Variants in NHLRC2 observed in about 807,000 individuals in gnomAD.
NHLRC2 encodes NHL repeat containing 2.
NHLRC2 carries 33 observed loss-of-function variants against 68.1 expected under a neutral mutation model. The observed-to-expected ratio is 0.48, with a 90% CI of 0.37 to 0.65. The LOEUF (loss-of-function observed/expected upper bound fraction) is 0.65, where lower values mean the gene tolerates loss of function less well. Ranked by LOEUF, NHLRC2 falls within the 30% of genes least tolerant of loss-of-function variation. The pLI, the probability that NHLRC2 is intolerant of heterozygous loss-of-function variation, is 0.00. For missense variants in NHLRC2, 761 were observed against 853.8 expected (o/e 0.89, Z 1.35); for synonymous variants, 311 against 309.6 (o/e 1.00, Z -0.05).
intron 4 of NHLRC2, among the ~76,000 whole-genome samples, chr10:113,882,857 G>A (rs1019294985): frequency 6.6e-6 from 1 of 151,640 alleles, no homozygotes; most frequent in Non-Finnish European, 1.5e-5. Context: ...ATTTTGAGTT[G>A]ATTTTTGTAT....
At chr10:113,879,394 G>A (rs1269562687) in intron 3 of NHLRC2, among the ~76,000 whole-genome samples, 180 bp from the exon 4 acceptor site, 1 of 152,094 alleles carries the variant, frequency 6.6e-6, no homozygotes, top group Non-Finnish European at 1.5e-5. Context: ...ATTGTACTAT[G>A]AGCCCTGTCA....
intron 4 of NHLRC2, among the ~76,000 whole-genome samples, chr10:113,880,359 C>CT (rs879457131): frequency 3.5e-4 from 51 of 146,390 alleles, no homozygotes; most frequent in Admixed American, 3.4e-4. Flanking sequence ...GTTTTTCTAA[C>CT]TTTTTTTTTT....
chr10:113,878,409 T>A lies in NHLRC2; in HGVS notation c.788-1165T>A, dbSNP rs75082455. On this transcript the variant is annotated intron_variant, in intron 3 of 10. Coordinates refer to ENST00000369301, the MANE Select transcript of NHLRC2 (RefSeq NM_198514.4). ...ACTCATTTTTGCCTGCACAATGCTA[T>A]GAGTTAGGTAATTAGTTCCATTTTA... Among the ~76,000 whole-genome samples the A allele has an allele frequency of 1.9e-3, 292 of 152,350 alleles. 2 individuals carry two copies. Among genetic ancestry groups the A allele is most frequent in the African/African-American group, 6.8e-3 (282 of 41,584 alleles).
intron 10 of NHLRC2, among the ~76,000 whole-genome samples, chr10:113,907,263 A>G (rs1846285003): frequency 6.6e-6 from 1 of 152,222 alleles, no homozygotes; most frequent in Admixed American, 6.5e-5. Flanking sequence ...CATCAAGAGG[A>G]CTGATAAAGG....
intron 2 of NHLRC2, among the ~76,000 whole-genome samples, chr10:113,865,244 C>T (rs536262029): frequency 2.0e-5 from 3 of 151,796 alleles, no homozygotes; most frequent in Non-Finnish European, 2.9e-5. Context: ...CCACCGCGCC[C>T]GGCCACAAAT....
intron 2 of NHLRC2, among the ~76,000 whole-genome samples, chr10:113,865,098 C>A (rs946374615): frequency 3.3e-5 from 5 of 151,856 alleles, no homozygotes; most frequent in Non-Finnish European, 5.9e-5. Flanking sequence ...TACAGGCGCT[C>A]CTCACCACGC....
rs555678940 is a variant in NHLRC2 at position 113,902,659 on chromosome 10, C to A, written c.1494+66C>A. ...TGTGGCATTTAAAATGCTGAAAGAT[C>A]TGTGAGCCTCCTACAACTGCCACTC... On this transcript the variant is annotated intron_variant, in intron 8 of 10. Transcript: ENST00000369301. The A allele has an allele frequency of 7.9e-6, 11 of 1,385,636 alleles. No homozygotes were observed. The South Asian group carries it at 9.8e-5, about 12-fold the overall frequency. The allele number at this position is 1,385,636 out of a possible 1,614,324, so 85.8% of individuals were successfully genotyped here. A position where few individuals can be genotyped will look rare whatever the true frequency, so the allele number is the denominator to read the frequency against.
At chr10:113,902,148 A>G (rs1223646273) in intron 7 of NHLRC2, among the ~76,000 whole-genome samples, 1 of 152,212 alleles carries the variant, frequency 6.6e-6, no homozygotes, top group Non-Finnish European at 1.5e-5. Flanking sequence ...TGAAGCATTG[A>G]TTATTGGAGA....
chr10:113,907,751 A>C (rs1846289863), intron 10 of NHLRC2, among the ~76,000 whole-genome samples: 1 of 152,166 alleles, frequency 6.6e-6, no homozygotes, highest in Admixed American at 6.5e-5. Flanking sequence ...TTTCTAAATA[A>C]AGTGTGTGTG....
chr10:113,908,045 T>G (rs953372807), intron 10 of NHLRC2, among the ~76,000 whole-genome samples: 3 of 152,214 alleles, frequency 2.0e-5, no homozygotes, highest in African/African-American at 7.2e-5. Context: ...ATTTATTTTA[T>G]AGTATCCAAA....
intron 6 of NHLRC2, among the ~76,000 whole-genome samples, chr10:113,899,224 T>A (rs1420563914): frequency 1.3e-5 from 2 of 152,170 alleles, no homozygotes; most frequent in African/African-American, 4.8e-5. Context: ...CATTTTTCTG[T>A]CCCTTGTACC....
intron 5 of NHLRC2, among the ~76,000 whole-genome samples, chr10:113,886,546 A>G (rs529130463): frequency 6.6e-6 from 1 of 152,310 alleles, no homozygotes; most frequent in African/African-American, 2.4e-5. Context: ...ATATCAACCA[A>G]TATAACAGGA....
At chr10:113,890,083 G>A (rs192494072) in intron 5 of NHLRC2, among the ~76,000 whole-genome samples, 2 of 152,330 alleles carry the variant, frequency 1.3e-5, no homozygotes, top group African/African-American at 4.8e-5. Flanking sequence ...CATATGGTAA[G>A]TGAATGTGTA....
intron 2 of NHLRC2, among the ~76,000 whole-genome samples, chr10:113,870,099 C>T (rs1264017539): frequency 6.6e-6 from 1 of 152,152 alleles, no homozygotes; most frequent in Non-Finnish European, 1.5e-5. Context: ...CTTCTAGTTT[C>T]TCAAATAATT....
intron 2 of NHLRC2, among the ~76,000 whole-genome samples, chr10:113,871,798 G>A (rs1409757369): frequency 6.6e-6 from 1 of 152,082 alleles, no homozygotes; most frequent in East Asian, 1.9e-4. Flanking sequence ...CAATAAAAAA[G>A]GGGAGAACAA....
In NHLRC2 at chr10:113,901,871, C is replaced by G; in HGVS notation, c.1345C>G (p.Leu449Val). 6.2e-7 allele frequency: 1 copy of G among 1,613,344 alleles called. No homozygotes were observed. The highest frequency in any genetic ancestry group is 1.3e-5 in the African/African-American group (1 of 74,996). ...ACTGAAAGATGGAGCAGTGAAGCAC[C>G]TCGTAGGAGGAGAAAGAGACCCCAT... The part of the protein sequence containing the change: ...VSLKDGAVKH[L>V]VGGERDPMNL... The change falls in exon 7 of 11, where the codon CTC becomes GTC. Residue 449 changes from leucine (L) to valine (V), a missense_variant. By Grantham distance (32) the Leu-to-Val change is conservative. Transcript: ENST00000369301.
chr10:113,868,699 A>G (rs1020362444), intron 2 of NHLRC2, among the ~76,000 whole-genome samples: 3 of 152,236 alleles, frequency 2.0e-5, no homozygotes, highest in Non-Finnish European at 4.4e-5. Context: ...AAATAATCAT[A>G]CATATTTTTA....
At chr10:113,855,436 T>C (rs1161858974) in intron 1 of NHLRC2, among the ~76,000 whole-genome samples, 1 of 152,220 alleles carries the variant, frequency 6.6e-6, no homozygotes, top group African/African-American at 2.4e-5. Context: ...TTGACATTTA[T>C]TGATCACTTT....
In NHLRC2 at chr10:113,913,884, G is replaced by A. The variant is rs1589552336; in HGVS notation, c.*5348G>A. The A allele has an allele frequency of 8.2e-6, 1 of 121,222 alleles. No individual in the cohort carries two copies. The allele number at this position is 121,222 out of a possible 1,614,324, so 7.5% of individuals were successfully genotyped here. ...TTTTTTTGAGATGGAGTCTCACTCT[G>A]TCACCCAGGCTGGAGTGCAAGGGTA... On this transcript the variant is annotated 3_prime_UTR_variant, in exon 11 of 11. Coordinates refer to ENST00000369301, the MANE Select transcript of NHLRC2 (RefSeq NM_198514.4).
Sources: allele counts gnomAD v4.1 joint callset (sites outside exome capture counted in the v4.1 genomes callset), GRCh38; gene constraint gnomAD v4.1.1; transcripts MANE v1.5; gene names NCBI Gene and HGNC (gene_info 2026-07-23, HGNC 2026-07-21).